Variants in MMP26 observed in about 807,000 individuals in gnomAD.
The protein encoded by MMP26 is matrix metalloproteinase-26.
A neutral mutation model predicts 31.0 loss-of-function variants in MMP26; 33 were observed. That is an observed-to-expected ratio of 1.06 (90% CI 0.81 to 1.42). MMP26 has a LOEUF of 1.42. Among genes scored for constraint, MMP26 ranks in the 40% most tolerant of loss-of-function variants. The pLI is 0.00. For synonymous variants in MMP26, 122 were observed against 114.9 expected (o/e 1.06, Z -0.40); for missense variants, 347 against 316.1 (o/e 1.10, Z -0.74).
At chr11:4,975,507 A>C (rs989519828) in intron 2 of MMP26, among the ~76,000 whole-genome samples, 8 of 152,014 alleles carry the variant, frequency 5.3e-5, no homozygotes, top group Admixed American at 4.6e-4. Context: ...TTATTTGCTT[A>C]TTTATTCCAT....
rs537869963 is a variant in MMP26, at chr11:4,975,796, C to T, written c.-144-12272C>T. Among the ~76,000 whole-genome samples, 33 of 152,000 alleles carry T rather than the reference C, an allele frequency of 2.2e-4. 1 individual carries two copies. Among genetic ancestry groups the T allele is most frequent in the Admixed American group, 1.8e-3 (28 of 15,260 alleles). ...TGATTTCCTCCCAAATGTTCTCTAG[C>T]GAACATTCTCCCAAAACTTTGTGTT... On this transcript the variant is annotated intron_variant, in intron 2 of 7. Coordinates refer to ENST00000380390, the MANE Select transcript of MMP26 (RefSeq NM_021801.5).
At chr11:4,825,460 C>T (rs1849566911) in intron 2 of MMP26, among the ~76,000 whole-genome samples, 1 of 152,002 alleles carries the variant, frequency 6.6e-6, no homozygotes, top group Non-Finnish European at 1.5e-5. Context: ...TGTCAGTGTT[C>T]CTACAGAGAA....
At position 4,988,162 on chromosome 11, in the gene MMP26, G is replaced by T. The variant is rs890464105; in HGVS notation, c.-50G>T. ...CTGGCACAGCTATAAAGATCCAGTG[G>T]CCCAAGTTGTGTACCTGAATTCAAG... On this transcript the variant is annotated 5_prime_UTR_variant, in exon 3 of 8. Coordinates refer to ENST00000380390, the MANE Select transcript of MMP26 (RefSeq NM_021801.5). 2.6e-6 allele frequency: 4 copies of T among 1,525,936 alleles called. No individual in the cohort carries two copies. Among genetic ancestry groups the T allele is most frequent in the Non-Finnish European group, 3.6e-6 (4 of 1,099,848 alleles). 94.5% of individuals were successfully genotyped at this position (1,525,936 alleles called of 1,614,324 possible).
At position 4,768,284 on chromosome 11, in the gene MMP26, C is replaced by A. The variant is rs536855842; in HGVS notation, c.-145+943C>A. 1.5e-4 allele frequency among the ~76,000 whole-genome samples: 23 copies of A among 152,264 alleles called. No individual in the cohort carries two copies. In the East Asian group the frequency reaches 4.1e-3, roughly 27 times the overall value. On this transcript the variant is annotated intron_variant, in intron 2 of 7. Coordinates refer to ENST00000380390, the MANE Select transcript of MMP26 (RefSeq NM_021801.5). ...TAGCAAGTGTGCCTCACCCCTAAAG[C>A]TTTTCTTTGGACTGTCCAACACTGG...
At chr11:4,864,130 GA>G (rs1211506660) in intron 2 of MMP26, among the ~76,000 whole-genome samples, 2 of 152,122 alleles carry the variant, frequency 1.3e-5, no homozygotes, top group Non-Finnish European at 2.9e-5. Context: ...GGAACGGATA[GA>G]ATGATTGTCT....
At position 4,902,245 on chromosome 11, in the gene MMP26, C is replaced by T. The variant is rs1850814006; in HGVS notation, c.-144-85823C>T. On this transcript the variant is annotated intron_variant, in intron 2 of 7. Coordinates refer to ENST00000380390, the MANE Select transcript of MMP26 (RefSeq NM_021801.5). ...GCTACAGCATGTCAGGGACCATCAA[C>T]ATTTCATCTGCAACCAGTGATGTGG... Among the ~76,000 whole-genome samples, 2 of 151,870 alleles carry T rather than the reference C, an allele frequency of 1.3e-5. 1 individual carries two copies. Among genetic ancestry groups the T allele is most frequent in the South Asian group, 4.1e-4 (2 of 4,834 alleles).
At chr11:4,806,942 G>A (rs143119377) in intron 2 of MMP26, among the ~76,000 whole-genome samples, 104 of 152,114 alleles carry the variant, frequency 6.8e-4, no homozygotes, top group African/African-American at 2.3e-3. Flanking sequence ...TCAAATTGTC[G>A]TGGGGACAGT....
At chr11:4,875,288 G>A (rs767119253) in intron 2 of MMP26, 1 of 152,198 alleles carries the variant, frequency 6.6e-6, no homozygotes, top group African/African-American at 2.4e-5. Flanking sequence ...GGGAAGACTG[G>A]ATATTTCTGA....
At chr11:4,859,574 A>G in intron 2 of MMP26, 1 of 379,362 alleles carries the variant, frequency 2.6e-6, no homozygotes, top group East Asian at 7.3e-5. Context: ...CTTCCAGTGG[A>G]TACTTACTCT....
rs200176248 is a variant in MMP26, at chr11:4,906,527, CATAAGT to C, written c.-144-81535_-144-81530del. On this transcript the variant is annotated intron_variant, in intron 2 of 7. Transcript: ENST00000380390. Reference sequence around the variant, plus strand: ...ATAAAATGTGCATAAGTACCTACCTCATAAGTATAAGAGGTAAATTAGTCTATAAAT... The same window carrying C: ...ATAAAATGTGCATAAGTACCTACCTCATAAGAGGTAAATTAGTCTATAAAT... Among the ~76,000 whole-genome samples the C allele has an allele frequency of 2.6e-3, 395 of 152,292 alleles. 3 individuals carry two copies. Among genetic ancestry groups the C allele is most frequent in the East Asian group, 0.012 (60 of 5,186 alleles).
intron 1 of MMP26, among the ~76,000 whole-genome samples, chr11:4,715,255 A>G (rs891660862): frequency 6.6e-6 from 1 of 152,040 alleles, no homozygotes; most frequent in African/African-American, 2.4e-5. Flanking sequence ...TTGATCGTAC[A>G]ATGGAATAAA....
At chr11:4,907,769 T>A in intron 2 of MMP26, 1 of 1,614,124 alleles carries the variant, frequency 6.2e-7, no homozygotes, top group Non-Finnish European at 8.5e-7. Context: ...AAGATACAGT[T>A]CTATCCTCAC....
At chr11:4,858,259 T>C (rs1386317492) in intron 2 of MMP26, among the ~76,000 whole-genome samples, 3 of 152,106 alleles carry the variant, frequency 2.0e-5, no homozygotes, top group Non-Finnish European at 4.4e-5. Context: ...TAAAAGGTAT[T>C]CAATTAGGAA....
At chr11:4,946,553 T>C (rs1846309644) in intron 2 of MMP26, 3 of 1,596,942 alleles carry the variant, frequency 1.9e-6, no homozygotes, top group Non-Finnish European at 2.6e-6. Context: ...GACATCCTGG[T>C]GGAGACAGTA....
chr11:4,729,871 G>T (rs760391387), intron 1 of MMP26, among the ~76,000 whole-genome samples: 1 of 151,904 alleles, frequency 6.6e-6, no homozygotes, highest in Non-Finnish European at 1.5e-5. Flanking sequence ...TTTGTGGTCT[G>T]ATGACCTACG....
intron 2 of MMP26, among the ~76,000 whole-genome samples, chr11:4,921,427 G>A (rs1405350144): frequency 6.6e-6 from 1 of 152,214 alleles, no homozygotes; most frequent in Non-Finnish European, 1.5e-5. Context: ...AATGACAGTG[G>A]CAGATCCGTG....
chr11:4,879,798 T>C (rs1291931578), intron 2 of MMP26, among the ~76,000 whole-genome samples: 1 of 152,044 alleles, frequency 6.6e-6, no homozygotes, highest in Non-Finnish European at 1.5e-5. Flanking sequence ...AGAGGAGGGA[T>C]GTAGGAATGG....
chr11:4,733,334 A>G (rs1056578927), intron 1 of MMP26, among the ~76,000 whole-genome samples: 1 of 152,154 alleles, frequency 6.6e-6, no homozygotes, highest in Non-Finnish European at 1.5e-5. Context: ...TCCAAGGTTA[A>G]TTTATTTCAG....
chr11:4,949,591 T>G (rs61880615), intron 2 of MMP26, among the ~76,000 whole-genome samples: 44,008 of 120,520 alleles, frequency 0.37, 15,217 homozygotes, highest in South Asian at 0.55. Context: ...TAGGTTAAAT[T>G]TATTTATTAG....
Sources: allele counts gnomAD v4.1 joint callset (sites outside exome capture counted in the v4.1 genomes callset), GRCh38; gene constraint gnomAD v4.1.1; transcripts MANE v1.5; gene names NCBI Gene and HGNC (gene_info 2026-07-23, HGNC 2026-07-21).